MIS18A: variants seen among roughly 807,000 people sequenced by gnomAD.
The protein encoded by MIS18A is MIS18 kinetochore protein A, also known as protein Mis18-alpha.
In MIS18A, 14 loss-of-function variants were observed where a neutral mutation model predicts 25.0. The ratio of observed to expected loss-of-function variants is 0.56; its 90% CI spans 0.37 to 0.88. The LOEUF (loss-of-function observed/expected upper bound fraction) is 0.88, where lower values mean the gene tolerates loss of function less well. Ranked by LOEUF, MIS18A falls within the 40% of genes least tolerant of loss-of-function variation. The pLI, the probability that MIS18A is intolerant of heterozygous loss-of-function variation, is 0.00. For missense variants in MIS18A, 292 were observed against 290.8 expected, an observed-to-expected ratio of 1.00 and a Z score of -0.03; for synonymous variants, 134 against 118.6, an observed-to-expected ratio of 1.13 and a Z score of -0.84.
At chr21:32,228,798 CA>C in the MIS18A span, among the ~76,000 whole-genome samples, 1 of 151,606 alleles carries the variant, frequency 6.6e-6, no homozygotes, top group African/African-American at 2.4e-5. Context: ...GTAAATTTAA[CA>C]AAAAAAGTGC....
At chr21:32,183,385 A>G in the MIS18A span, among the ~76,000 whole-genome samples, 1 of 152,358 alleles carries the variant, frequency 6.6e-6, no homozygotes, top group South Asian at 2.1e-4. Flanking sequence ...CAACAGCTAT[A>G]TACTGAAAAC....
At chr21:32,210,300 C>A in the MIS18A span, among the ~76,000 whole-genome samples, 10 of 152,108 alleles carry the variant, frequency 6.6e-5, no homozygotes, top group Non-Finnish European at 1.5e-4. Flanking sequence ...TTTTAAAAGG[C>A]CCTAGCTTAT....
At chr21:32,160,851 G>A in the MIS18A span, among the ~76,000 whole-genome samples, 448 of 152,138 alleles carry the variant, frequency 2.9e-3, 1 homozygote, top group South Asian at 6.2e-3. Context: ...GACTGGTCTC[G>A]AACTTCCAAC....
At chr21:32,207,402 AC>A in the MIS18A span, among the ~76,000 whole-genome samples, 1 of 152,228 alleles carries the variant, frequency 6.6e-6, no homozygotes, top group Non-Finnish European at 1.5e-5. Context: ...ATTTTTTTAT[AC>A]CATGCACATG....
At chr21:32,207,055 T>G in the MIS18A span, among the ~76,000 whole-genome samples, 1 of 152,220 alleles carries the variant, frequency 6.6e-6, no homozygotes, top group Non-Finnish European at 1.5e-5. Context: ...GGGCATCTGA[T>G]TGATGAAGTC....
At chr21:32,252,226 GAAGAAGAAGAAGA>G in the MIS18A span, among the ~76,000 whole-genome samples, 15 of 93,248 alleles carry the variant, frequency 1.6e-4, no homozygotes, top group African/African-American at 4.5e-4. Context: ...AGAAGAAGAA[GAAGAAGAAGAAGA>G]AGGAGGAGGA....
intron 1 of MIS18A, among the ~76,000 whole-genome samples, chr21:32,275,361 C>A (rs1445907920): frequency 6.6e-6 from 1 of 152,174 alleles, no homozygotes; most frequent in African/African-American, 2.4e-5. Context: ...TCAAATCACA[C>A]ACTGCAAAGA....
the MIS18A span, among the ~76,000 whole-genome samples, chr21:32,262,502 G>A: frequency 1.3e-5 from 2 of 152,196 alleles, no homozygotes; most frequent in African/African-American, 4.8e-5. Flanking sequence ...AACGGTTAAT[G>A]GAGAGAAACG....
chr21:32,231,361 C>CT, the MIS18A span, among the ~76,000 whole-genome samples: 1 of 151,752 alleles, frequency 6.6e-6, no homozygotes, highest in Non-Finnish European at 1.5e-5. Flanking sequence ...GACAAATAAT[C>CT]TATTACAAAT....
downstream of MIS18A, among the ~76,000 whole-genome samples, chr21:32,267,698 T>C (rs937555832): frequency 6.6e-6 from 1 of 152,166 alleles, no homozygotes; most frequent in Non-Finnish European, 1.5e-5. Flanking sequence ...TACTCTCTCA[T>C]CTGTTTAGAA....
the MIS18A span, among the ~76,000 whole-genome samples, chr21:32,239,582 C>T: frequency 0.057 from 8,687 of 152,256 alleles, 327 homozygotes; most frequent in Middle Eastern, 0.12. Flanking sequence ...AAAGGTTCCC[C>T]ACGAAGGTGC....
chr21:32,224,529 T>C, the MIS18A span, among the ~76,000 whole-genome samples: 1 of 148,672 alleles, frequency 6.7e-6, no homozygotes, highest in Admixed American at 6.7e-5. Flanking sequence ...CCATTCACAA[T>C]TGCTTCAAAG....
the MIS18A span, among the ~76,000 whole-genome samples, chr21:32,196,459 C>CTTTT: frequency 3.1e-5 from 4 of 131,022 alleles, no homozygotes; most frequent in African/African-American, 8.6e-5. Flanking sequence ...GAGCTAATGT[C>CTTTT]TTTTTTTTTT....
chr21:32,277,925 G>A (rs965083446), intron 1 of MIS18A: 4 of 152,070 alleles, frequency 2.6e-5, no homozygotes, highest in Non-Finnish European at 4.4e-5. Flanking sequence ...TACTGCCATC[G>A]GAACATTTAC....
the MIS18A span, among the ~76,000 whole-genome samples, chr21:32,242,155 C>G: frequency 6.6e-6 from 1 of 152,250 alleles, no homozygotes; most frequent in Non-Finnish European, 1.5e-5. Context: ...GCTGGGATTA[C>G]AGGCGCGAGC....
the MIS18A span, chr21:32,260,095 T>TTTTTTTTTTTTTA: frequency 6.7e-6 from 1 of 149,584 alleles, no homozygotes; most frequent in African/African-American, 2.5e-5. Flanking sequence ...TTTTTTTTTT[T>TTTTTTTTTTTTTA]CAGATTTTTC....
At chr21:32,216,276 C>T in the MIS18A span, among the ~76,000 whole-genome samples, 7 of 152,288 alleles carry the variant, frequency 4.6e-5, no homozygotes, top group East Asian at 1.9e-4. Context: ...AGCCCACAAT[C>T]GCAGTGAAAA....
At chr21:32,260,536 A>T in the MIS18A span, 2 of 152,540 alleles carry the variant, frequency 1.3e-5, no homozygotes, top group Admixed American at 1.3e-4. Context: ...GGCAGGGCGG[A>T]AGTAGCCAAG....
the MIS18A span, among the ~76,000 whole-genome samples, chr21:32,215,994 G>T: frequency 1.1e-4 from 17 of 152,130 alleles, no homozygotes; most frequent in Non-Finnish European, 2.4e-4. Context: ...ACCATAAGAA[G>T]ATGTGGGGGA....
Sources: gnomAD v4.1 joint callset for allele counts (sites outside exome capture counted in the v4.1 genomes callset) on GRCh38, gnomAD v4.1.1 for gene constraint, MANE v1.5 for transcripts, NCBI Gene and HGNC (gene_info 2026-07-23, HGNC 2026-07-21) for gene names.